The following GNAQ variants were observed in gnomAD, a reference collection of about 807,000 sequenced individuals.
GNAQ encodes guanine nucleotide-binding protein G(q) subunit alpha.
In GNAQ, 8 loss-of-function variants were observed where a neutral mutation model predicts 43.9. The observed-to-expected ratio is 0.18, with a 90% confidence interval of 0.11 to 0.33. The LOEUF is 0.33. GNAQ is among the 10% of genes least tolerant of loss of function. The pLI is 1.00. For synonymous variants in GNAQ, 155 were observed against 170.7 expected, an observed-to-expected ratio of 0.91 and a Z score of 0.71; for missense variants, 158 against 450.8, an observed-to-expected ratio of 0.35 and a Z score of 5.88.
chr9:77,985,050 C>T (rs1335885143), intron 1 of GNAQ, among the ~76,000 whole-genome samples: 2 of 152,200 alleles, frequency 1.3e-5, no homozygotes, highest in Non-Finnish European at 2.9e-5. Context: ...GTGACTCACA[C>T]CTGTAATCCC....
intron 1 of GNAQ, among the ~76,000 whole-genome samples, chr9:78,018,184 A>C (rs1823862417): frequency 6.6e-6 from 1 of 152,140 alleles, no homozygotes; most frequent in Non-Finnish European, 1.5e-5. Context: ...GTACAAAAAA[A>C]AAAGAGTAAA....
At chr9:77,946,355 C>A (rs11145626) in intron 1 of GNAQ, among the ~76,000 whole-genome samples, 13,170 of 152,192 alleles carry the variant, frequency 0.087, 783 homozygotes, top group East Asian at 0.22. Context: ...AGCAGAGTAA[C>A]CACTATGTCA....
intron 5 of GNAQ, among the ~76,000 whole-genome samples, chr9:77,769,876 C>T (rs1826194358): frequency 6.6e-6 from 1 of 152,016 alleles, no homozygotes; most frequent in African/African-American, 2.4e-5. Flanking sequence ...CTGTGTTAGC[C>T]AGGATGGTCT....
At chr9:78,030,669 C>T in intron 1 of GNAQ, 2 of 418,410 alleles carry the variant, frequency 4.8e-6, no homozygotes, top group Non-Finnish European at 1.0e-5. Flanking sequence ...CTGGGCCACA[C>T]ACACGGCTCC....
At chr9:77,881,101 A>G (rs1828199805) in intron 2 of GNAQ, among the ~76,000 whole-genome samples, 1 of 152,168 alleles carries the variant, frequency 6.6e-6, no homozygotes, top group Non-Finnish European at 1.5e-5. Flanking sequence ...TTCATTCTGT[A>G]TATGTCCCAA....
At chr9:77,963,162 T>G (rs1823126384) in intron 1 of GNAQ, among the ~76,000 whole-genome samples, 1 of 152,086 alleles carries the variant, frequency 6.6e-6, no homozygotes, top group African/African-American at 2.4e-5. Flanking sequence ...TTGAGGACAA[T>G]GCCCCAAAGA....
chr9:77,755,028 A>G (rs1406524164), intron 5 of GNAQ, among the ~76,000 whole-genome samples: 6 of 152,236 alleles, frequency 3.9e-5, no homozygotes, highest in Non-Finnish European at 7.3e-5. Flanking sequence ...ATACATATAC[A>G]CAATGGAGTA....
chr9:77,806,501 C>T (rs1338364631), intron 3 of GNAQ, among the ~76,000 whole-genome samples: 1 of 152,084 alleles, frequency 6.6e-6, no homozygotes, highest in Non-Finnish European at 1.5e-5. Context: ...AAAGAGAGCA[C>T]CGATGAATCA....
rs750558344 is a variant in GNAQ, at chr9:77,815,663, T to C, written c.429A>G (p.Glu143=). ...KSLWNDPGIQ[E]CYDRRREYQL... is the part of the protein sequence containing the mutation. ...GATATTCTCGTCGTCTATCATAGCA[T>C]TCCTGGATTCCAGGATCATTCCATA... The change falls in exon 3 of 7, where the codon GAA becomes GAG. Residue 143 remains glutamate (E), a synonymous_variant. Coordinates refer to ENST00000286548, the MANE Select transcript of GNAQ (RefSeq NM_002072.5). 4.6e-5 allele frequency: 73 copies of C among 1,599,348 alleles called. No individual in the cohort carries two copies. The highest frequency in any genetic ancestry group is 6.1e-5 in the Non-Finnish European group (71 of 1,167,008).
intron 3 of GNAQ, among the ~76,000 whole-genome samples, chr9:77,798,658 T>C (rs1826696649): frequency 6.6e-6 from 1 of 152,194 alleles, no homozygotes; most frequent in Admixed American, 6.5e-5. Context: ...TTGCATATAA[T>C]GTATGCATAG....
chr9:77,768,775 C>T lies in GNAQ; in HGVS notation c.735+25688G>A, dbSNP rs17788992. Among the ~76,000 whole-genome samples, 187 of 152,268 alleles carry T rather than the reference C, an allele frequency of 1.2e-3. 3 individuals are homozygous for T. The East Asian group carries it at 0.024, about 19-fold the overall frequency. ...GATTTTGAAGCTTGGAGAGACCTCT[C>T]GGTTAGCAGTAGTCTTAGACTGGGC... On this transcript the variant is annotated intron_variant, in intron 5 of 6. Coordinates refer to ENST00000286548, the MANE Select transcript of GNAQ (RefSeq NM_002072.5).
intron 1 of GNAQ, among the ~76,000 whole-genome samples, chr9:77,953,818 T>C (rs1823010715): frequency 6.6e-6 from 1 of 152,180 alleles, no homozygotes; most frequent in South Asian, 2.1e-4. Context: ...GAGAACCAAG[T>C]AACAGTTACA....
intron 1 of GNAQ, among the ~76,000 whole-genome samples, chr9:77,945,741 T>C (rs546720769): frequency 6.6e-6 from 1 of 152,176 alleles, no homozygotes; most frequent in Non-Finnish European, 1.5e-5. Context: ...TATAGGAGCA[T>C]TAAGACCTAT....
chr9:78,003,938 T>TA (rs779002783), intron 1 of GNAQ, among the ~76,000 whole-genome samples: 32 of 151,708 alleles, frequency 2.1e-4, no homozygotes, highest in Middle Eastern at 3.4e-3. Flanking sequence ...AAAAGCATAA[T>TA]ATGCACTAAA....
chr9:78,029,758 CAAGAT>C lies in GNAQ; in HGVS notation c.136+1337_136+1341del, dbSNP rs547161627. Among the ~76,000 whole-genome samples, 39 of 152,262 alleles carry C rather than the reference CAAGAT, an allele frequency of 2.6e-4. No individual in the cohort carries two copies. The South Asian group carries it at 5.6e-3, about 22-fold the overall frequency. On this transcript the variant is annotated intron_variant, in intron 1 of 6. Coordinates refer to ENST00000286548, the MANE Select transcript of GNAQ (RefSeq NM_002072.5). ...TCCTTGAGCCAGCAAATGGAATGCT[CAAGAT>C]AAGAAAGAAAATGCATGCTTCTCAC...
intron 5 of GNAQ, among the ~76,000 whole-genome samples, chr9:77,757,425 C>G (rs1253260328): frequency 6.6e-6 from 1 of 152,154 alleles, no homozygotes; most frequent in Non-Finnish European, 1.5e-5. Flanking sequence ...TCCACCATTA[C>G]GCTCAAATTG....
intron 5 of GNAQ, among the ~76,000 whole-genome samples, chr9:77,773,474 C>CG (rs745453674): frequency 4.6e-5 from 7 of 152,228 alleles, no homozygotes; most frequent in Non-Finnish European, 1.0e-4. Context: ...TATCCTCATT[C>CG]TTCACATTAT....
At chr9:77,728,407 C>T (rs759384751) in intron 6 of GNAQ, 107 bp downstream of exon 6, 2 of 775,286 alleles carry the variant, frequency 2.6e-6, no homozygotes, top group Admixed American at 4.3e-5. Flanking sequence ...GCAGGCTGCA[C>T]AGGGCAAGGG....
chr9:77,901,094 G>C (rs1019952074), intron 2 of GNAQ, among the ~76,000 whole-genome samples: 1 of 151,932 alleles, frequency 6.6e-6, no homozygotes, highest in African/African-American at 2.4e-5. Context: ...TTTCACTCCG[G>C]CTCCTCACTC....
Sources: gnomAD v4.1 joint callset for allele counts (sites outside exome capture counted in the v4.1 genomes callset) on GRCh38, gnomAD v4.1.1 for gene constraint, MANE v1.5 for transcripts, NCBI Gene and HGNC (gene_info 2026-07-23, HGNC 2026-07-21) for gene names.